The following KPNA2 variants were observed in gnomAD, a reference collection of about 807,000 sequenced individuals.
KPNA2 encodes the protein importin subunit alpha-1.
Under a neutral mutation model 53.7 loss-of-function variants are expected in KPNA2, and 20 were observed. That is an observed-to-expected ratio of 0.37 (90% CI 0.26 to 0.54). The LOEUF (loss-of-function observed/expected upper bound fraction) is 0.54, where lower values mean the gene tolerates loss of function less well. Among genes scored for constraint, KPNA2 ranks in the 20% least tolerant of loss-of-function variants. The pLI, the probability that KPNA2 is intolerant of heterozygous loss-of-function variation, is 0.83. For synonymous variants in KPNA2, 238 were observed against 227.5 expected (o/e 1.05, Z -0.42); for missense variants, 515 against 640.3 (o/e 0.80, Z 2.11).
intron 3 of KPNA2, among the ~76,000 whole-genome samples, chr17:68,038,125 C>A (rs549246070): frequency 5.3e-5 from 8 of 152,128 alleles, no homozygotes; most frequent in Non-Finnish European, 1.0e-4. Context: ...TACAGGCGCC[C>A]GCACCCTGTC....
In KPNA2 at chr17:68,043,167, CG is replaced by C; in HGVS notation, c.735del (p.Ile246Ter). 1 of 1,614,090 alleles carries C rather than the reference CG, an allele frequency of 6.2e-7. No individual in the cohort carries two copies. The highest frequency in any genetic ancestry group is 8.5e-7 in the Non-Finnish European group (1 of 1,180,014). ...TGCCGCAACAAGAATCCTGCACCCC[CG>C]ATAGATGCTGTTGAGCAGATTCTTC... ...NLCRNKNPAP[P>X]IDAVEQILPT... On this transcript the variant is annotated frameshift_variant, in exon 7 of 11. Transcript: ENST00000330459. LOFTEE classifies it high-confidence loss of function.
rs562799533 is a variant in KPNA2 at position 68,037,363 on chromosome 17, G to A, written c.81G>A (p.Met27Ile). ...GCATGTTATCTTTTCTCAAGGAAAT[G>A]AGGCGTCGCAGAATAGAGGTCAATG... ...FKNKGKDSTE[M>I]RRRRIEVNVE... The change falls in exon 3 of 11, where the codon ATG becomes ATA. Residue 27 changes from methionine (M) to isoleucine (I), a missense_variant. Met to Ile is a conservative substitution (Grantham distance 10, BLOSUM62 1). Transcript: ENST00000330459. 1.9e-6 allele frequency: 3 copies of A among 1,611,816 alleles called. No homozygotes were observed. The highest frequency in any genetic ancestry group is 2.5e-6 in the Non-Finnish European group (3 of 1,179,350).
chr17:68,046,624 G>T lies in KPNA2; in HGVS notation c.*28G>T, dbSNP rs782453419. ...CATGTAGCTGAGACATAAATTTGTT[G>T]TGTACTACGTTTGGTATTTTGTCTT... On this transcript the variant is annotated 3_prime_UTR_variant, in exon 11 of 11. Transcript: ENST00000330459. 7.3e-7 allele frequency: 1 copy of T among 1,362,220 alleles called. No individual in the cohort carries two copies. The highest frequency in any genetic ancestry group is 1.0e-6 in the Non-Finnish European group (1 of 959,684). 84.4% of individuals were successfully genotyped at this position (1,362,220 alleles called of 1,614,324 possible).
chr17:68,044,095 C>T lies in KPNA2; in HGVS notation c.1164+24C>T, dbSNP rs781967811. 4 of 1,562,966 alleles carry T rather than the reference C, an allele frequency of 2.6e-6. No homozygotes were observed. The African/African-American group carries it at 4.1e-5, about 16-fold the overall frequency. Reference sequence around the variant, plus strand: ...AGGTAACGAAGTCTTAGGATTTAATCAAGTCATTTTTAGTATTTATAGAAA... The same window carrying T: ...AGGTAACGAAGTCTTAGGATTTAATTAAGTCATTTTTAGTATTTATAGAAA... On this transcript the variant is annotated intron_variant, in intron 8 of 10. Coordinates refer to ENST00000330459, the MANE Select transcript of KPNA2 (RefSeq NM_002266.4).
Position 68,043,121 on chromosome 17 carries a change from AC to A in KPNA2, c.690del (p.Trp231GlyfsTer16), listed in dbSNP as rs1387475354. On this transcript the variant is annotated frameshift_variant, in exon 7 of 11. Coordinates refer to ENST00000330459, the MANE Select transcript of KPNA2 (RefSeq NM_002266.4). LOFTEE classifies it high-confidence loss of function. The stretch of plus-strand genomic sequence containing the variant: ...CCAGTGTGGCTACTTACGTAATCTT[AC>A]CTGGACACTTTCTAATCTTTGCCGC... The part of the protein sequence containing the change: ...SLACGYLRNL[T>X]WTLSNLCRNK... 6.2e-7 allele frequency: 1 copy of A among 1,613,844 alleles called. No individual in the cohort carries two copies.
In KPNA2 at chr17:68,044,473, T is replaced by A. The variant is rs782816876; in HGVS notation, c.1317T>A (p.Val439=). Reference sequence around the variant, plus strand: ...CAAAAGATACCAAGATTATTCTGGTTATCCTGGATGCCATTTCAAATATCT... The same window carrying A: ...CAAAAGATACCAAGATTATTCTGGTAATCCTGGATGCCATTTCAAATATCT... ...LTAKDTKIIL[V]ILDAISNIFQ... is the part of the protein sequence containing the mutation. The change falls in exon 9 of 11, where the codon GTT becomes GTA. Residue 439 remains valine, a synonymous_variant. Transcript: ENST00000330459. The A allele has an allele frequency of 6.2e-7, 1 of 1,613,854 alleles. No individual in the cohort carries two copies. The highest frequency in any genetic ancestry group is 1.7e-5 in the Admixed American group (1 of 59,972).
chr17:68,044,011 C>T lies in KPNA2; in HGVS notation c.1104C>T (p.Asp368=), dbSNP rs1446432302. 6.2e-7 allele frequency: 1 copy of T among 1,613,792 alleles called. No individual in the cohort carries two copies. The highest frequency in any genetic ancestry group is 2.2e-5 in the East Asian group (1 of 44,894). Reference sequence around the variant, plus strand: ...CAAACATCACAGCCGGCCGCCAGGACCAGATACAGCAAGTTGTGAATCATG... The same window carrying T: ...CAAACATCACAGCCGGCCGCCAGGATCAGATACAGCAAGTTGTGAATCATG... ...TMSNITAGRQ[D]QIQQVVNHGL... The change falls in exon 8 of 11, where the codon GAC becomes GAT. Residue 368 remains aspartate (D), a synonymous_variant. Transcript: ENST00000330459.
At chr17:68,045,946 TAAC>T (rs782326777) in intron 10 of KPNA2, 25 bp downstream of exon 10, 14 of 1,453,550 alleles carry the variant, frequency 9.6e-6, no homozygotes, top group African/African-American at 1.4e-5. Context: ...GTAATATTAA[TAAC>T]AACTTGGAAA....
chr17:68,039,338 C>T (rs1022732563), intron 3 of KPNA2, among the ~76,000 whole-genome samples: 1 of 151,662 alleles, frequency 6.6e-6, no homozygotes, highest in Non-Finnish European at 1.5e-5. Context: ...CCAGTCTGGT[C>T]TCGAACTCCT....
Position 68,045,755 on chromosome 17 carries a change from ATT to A in KPNA2, c.1348-4_1348-3del, listed in dbSNP as rs78746494. The A allele has an allele frequency of 0.012, 15,328 of 1,289,936 alleles. No individual in the cohort carries two copies. The highest frequency in any genetic ancestry group is 0.071 in the East Asian group (2,520 of 35,488). 79.9% of individuals were successfully genotyped at this position (1,289,936 alleles called of 1,614,324 possible). A position where few individuals can be genotyped will look rare whatever the true frequency, so the allele number is the denominator to read the frequency against. On this transcript the variant is annotated splice_polypyrimidine_tract_variant and intron_variant, in intron 9 of 10. Coordinates refer to ENST00000330459, the MANE Select transcript of KPNA2 (RefSeq NM_002266.4). ...CCAGAGTATATGCCAGTAAACTTGGATTTTTTTTTTTTTTAGGCTGCTGAGAA... is the reference window on the plus strand; with the variant it reads ...CCAGAGTATATGCCAGTAAACTTGGATTTTTTTTTTTTAGGCTGCTGAGAA...
At chr17:68,037,336 C>CG (rs2071202354) in intron 2 of KPNA2, 22 bp from the exon 3 acceptor site, 1 of 1,605,750 alleles carries the variant, frequency 6.2e-7, no homozygotes. Context: ...ATAGGTGAAA[C>CG]GGCATGTTAT....
At chr17:68,036,356 G>T (rs980616176) in intron 1 of KPNA2, 1 of 152,218 alleles carries the variant, frequency 6.6e-6, no homozygotes, top group Non-Finnish European at 1.5e-5. Flanking sequence ...CTAATTAAGC[G>T]CATTCACTCC....
In KPNA2 at chr17:68,036,362, A is replaced by G. The variant is rs201858723; in HGVS notation, c.-24+522A>G. 3 of 152,088 alleles carry G rather than the reference A, an allele frequency of 2.0e-5. No homozygotes were observed. In the East Asian group the frequency reaches 5.8e-4, roughly 29 times the overall value. The allele number at this position is 152,088 out of a possible 1,614,324, so 9.4% of individuals were successfully genotyped here. On this transcript the variant is annotated intron_variant, in intron 1 of 10. Transcript: ENST00000330459. Reference sequence around the variant, plus strand: ...GATGTCATCCTAATTAAGCGCATTCACTCCTAGTCTCTGGAAATGCAAATC... The same window carrying G: ...GATGTCATCCTAATTAAGCGCATTCGCTCCTAGTCTCTGGAAATGCAAATC...
chr17:68,046,415 A>G (rs1365369520), intron 10 of KPNA2, 89 bp from the exon 11 acceptor site: 11 of 758,502 alleles, frequency 1.5e-5, no homozygotes, highest in Non-Finnish European at 2.2e-5. Context: ...TATGCAGATC[A>G]AGACCTAGAG....
chr17:68,043,246 C>T lies in KPNA2; in HGVS notation c.813C>T (p.Thr271=). 1.2e-6 allele frequency: 2 copies of T among 1,614,166 alleles called. No individual in the cohort carries two copies. The highest frequency in any genetic ancestry group is 8.5e-7 in the Non-Finnish European group (1 of 1,180,016). ...ATGATCCAGAAGTATTAGCAGATAC[C>T]TGCTGGGCTATTTCCTACCTTACTG... The part of the protein sequence containing the change: ...HHDDPEVLAD[T]CWAISYLTDG... Residue 271 remains threonine, a synonymous_variant, in exon 7 of 11, where the codon ACC becomes ACT. Transcript: ENST00000330459.
chr17:68,039,909 C>T (rs2071234540), intron 3 of KPNA2, among the ~76,000 whole-genome samples: 1 of 148,992 alleles, frequency 6.7e-6, no homozygotes, highest in Non-Finnish European at 1.5e-5. Context: ...CCCGTCTCTA[C>T]TAAAAATACA....
chr17:68,044,995 T>C (rs1295545602), intron 9 of KPNA2, among the ~76,000 whole-genome samples: 2 of 151,226 alleles, frequency 1.3e-5, no homozygotes, highest in African/African-American at 4.9e-5. Flanking sequence ...CTCAGAAGGC[T>C]GAGGCAGGAG....
At chr17:68,039,148 C>A (rs1194992068) in intron 3 of KPNA2, among the ~76,000 whole-genome samples, 2 of 151,610 alleles carry the variant, frequency 1.3e-5, no homozygotes, top group Non-Finnish European at 2.9e-5. Context: ...TGAGACAAAA[C>A]CTTGGTTTGT....
At chr17:68,040,553 G>T in intron 3 of KPNA2, 125 bp from the exon 4 acceptor site, 1 of 631,396 alleles carries the variant, frequency 1.6e-6, no homozygotes, top group South Asian at 2.0e-5. Flanking sequence ...TTAAATGTAG[G>T]GCTAAATATT....
Sources: gnomAD v4.1 joint callset for allele counts (sites outside exome capture counted in the v4.1 genomes callset) on GRCh38, gnomAD v4.1.1 for gene constraint, MANE v1.5 for transcripts, NCBI Gene and HGNC (gene_info 2026-07-23, HGNC 2026-07-21) for gene names.